Variants in FAP observed in about 807,000 individuals in gnomAD.
FAP encodes prolyl endopeptidase FAP.
FAP carries 110 observed loss-of-function variants against 126.5 expected under a neutral mutation model. The observed-to-expected ratio is 0.87, with a 90% CI of 0.74 to 1.02. The LOEUF (loss-of-function observed/expected upper bound fraction) is 1.02, where lower values mean the gene tolerates loss of function less well. Among genes scored for constraint, FAP ranks in the 50% least tolerant of loss-of-function variants. FAP has a pLI of 0.00. For missense variants in FAP, 919 were observed against 909.2 expected (o/e 1.01, Z -0.14); for synonymous variants, 334 against 297.3 (o/e 1.12, Z -1.27).
chr2:162,189,956 A>C (rs1391919126), intron 17 of FAP, among the ~76,000 whole-genome samples: 1 of 152,012 alleles, frequency 6.6e-6, no homozygotes, highest in African/African-American at 2.4e-5. Flanking sequence ...CATTTTAATC[A>C]CTGTGTCTTT....
Position 162,170,832 on chromosome 2 carries a change from T to C in FAP, c.*147A>G, listed in dbSNP as rs145982071. The C allele has an allele frequency of 6.7e-6, 4 of 595,132 alleles. No homozygotes were observed. The highest frequency in any genetic ancestry group is 3.4e-4 in the Middle Eastern group (1 of 2,984). The allele number at this position is 595,132 out of a possible 1,614,324, so 36.9% of individuals were successfully genotyped here. ...ATATTTAGCTTGAACTTCTGAGTCC[T>C]CATCTTTTTTTTAACAGCCTTTAGA... On this transcript the variant is annotated 3_prime_UTR_variant, in exon 26 of 26. Coordinates refer to ENST00000188790, the MANE Select transcript of FAP (RefSeq NM_004460.5).
intron 8 of FAP, among the ~76,000 whole-genome samples, chr2:162,218,861 G>A (rs1016399803): frequency 2.0e-5 from 3 of 151,950 alleles, no homozygotes. Flanking sequence ...TGATGTTATT[G>A]AGAATCAATT....
rs1252321789 is a variant in FAP at position 162,170,807 on chromosome 2, A to G, written c.*172T>C. On this transcript the variant is annotated 3_prime_UTR_variant, in exon 26 of 26. Transcript: ENST00000188790. ...CACAGAGTACCAGAAAATGTAAACA[A>G]TATTTAGCTTGAACTTCTGAGTCCT... 1 of 563,514 alleles carries G rather than the reference A, an allele frequency of 1.8e-6. No homozygotes were observed. The highest frequency in any genetic ancestry group is 3.1e-6 in the Non-Finnish European group (1 of 317,496). 34.9% of individuals were successfully genotyped at this position (563,514 alleles called of 1,614,324 possible).
intron 2 of FAP, among the ~76,000 whole-genome samples, chr2:162,238,637 G>A (rs1690230487): frequency 6.6e-6 from 1 of 152,096 alleles, no homozygotes; most frequent in East Asian, 1.9e-4. Flanking sequence ...CATAAGAATA[G>A]TGAAAAAATA....
At chr2:162,238,632 G>A (rs1459478050) in intron 2 of FAP, among the ~76,000 whole-genome samples, 1 of 152,016 alleles carries the variant, frequency 6.6e-6, no homozygotes, top group African/African-American at 2.4e-5. Flanking sequence ...TTCTCCATAA[G>A]AATAGTGAAA....
At chr2:162,238,228 A>G (rs1457418891) in intron 2 of FAP, among the ~76,000 whole-genome samples, 2 of 152,026 alleles carry the variant, frequency 1.3e-5, no homozygotes, top group South Asian at 2.1e-4. Context: ...AATTATTGCT[A>G]TATTTTATGG....
At chr2:162,237,082 C>A (rs2106303877) in intron 2 of FAP, among the ~76,000 whole-genome samples, 1 of 152,058 alleles carries the variant, frequency 6.6e-6, no homozygotes, top group South Asian at 2.1e-4. Context: ...GTTCTTACTG[C>A]ATATTAGTCA....
At chr2:162,230,309 T>C (rs1342668660) in intron 2 of FAP, among the ~76,000 whole-genome samples, 1 of 152,202 alleles carries the variant, frequency 6.6e-6, no homozygotes, top group East Asian at 1.9e-4. Flanking sequence ...ATCCAAGCTT[T>C]GATTCTTTGT....
At position 162,242,952 on chromosome 2, in the gene FAP, A is replaced by T; in HGVS notation, c.47T>A (p.Val16Glu). The change falls in exon 2 of 26, where the codon GTG becomes GAG. Residue 16 changes from valine (V) to glutamate (E), a missense_variant. Coordinates refer to ENST00000188790, the MANE Select transcript of FAP (RefSeq NM_004460.5). ...KIVFGVATSAVLALLVMCIVL... is the reference protein window; with the variant it reads ...KIVFGVATSAELALLVMCIVL... ...AATGCACATCACCAATAAGGCAAGC[A>T]CAGCAGAGGTGGCAACTCCAAATAC... 1.9e-6 allele frequency: 3 copies of T among 1,613,274 alleles called. No homozygotes were observed. The highest frequency in any genetic ancestry group is 2.5e-6 in the Non-Finnish European group (3 of 1,179,484).
chr2:162,194,648 CAG>C (rs1688176914), intron 17 of FAP, 51 bp downstream of exon 17: 1 of 1,532,326 alleles, frequency 6.5e-7, no homozygotes, highest in Non-Finnish European at 9.0e-7. Context: ...CGGAGCATCA[CAG>C]AGAGTTCAGG....
At chr2:162,218,275 T>C (rs1438695470) in intron 8 of FAP, 135 bp from the exon 9 acceptor site, 2 of 558,478 alleles carry the variant, frequency 3.6e-6, no homozygotes, top group South Asian at 8.5e-5. Flanking sequence ...ACTTTGGTTA[T>C]TAAAAAATTA....
chr2:162,238,421 G>A (rs889840171), intron 2 of FAP, among the ~76,000 whole-genome samples: 1 of 152,150 alleles, frequency 6.6e-6, no homozygotes, highest in African/African-American at 2.4e-5. Context: ...ATCATACAAA[G>A]ATTTGGTTTT....
intron 8 of FAP, among the ~76,000 whole-genome samples, chr2:162,218,543 A>C (rs941777510): frequency 1.3e-5 from 2 of 150,862 alleles, no homozygotes; most frequent in Non-Finnish European, 3.0e-5. Context: ...GTTAAAAAAA[A>C]CCAAAAACAC....
chr2:162,183,286 C>A, intron 21 of FAP, 128 bp downstream of exon 21: 1 of 778,846 alleles, frequency 1.3e-6, no homozygotes. Context: ...TCCAAACTGA[C>A]TGTTTCCATT....
intron 17 of FAP, chr2:162,193,440 A>C (rs1207487253): frequency 6.6e-6 from 1 of 152,224 alleles, no homozygotes; most frequent in African/African-American, 2.4e-5. Context: ...ATAGAGCTTC[A>C]AAATCAGTAC....
intron 17 of FAP, among the ~76,000 whole-genome samples, chr2:162,191,698 C>T (rs2106230673): frequency 6.6e-6 from 1 of 152,078 alleles, no homozygotes; most frequent in East Asian, 1.9e-4. Context: ...GGGGAGAATC[C>T]ATAGAAAGGC....
intron 16 of FAP, chr2:162,198,173 AC>A (rs1688333790): frequency 2.3e-6 from 3 of 1,287,380 alleles, no homozygotes; most frequent in Non-Finnish European, 3.0e-6. Context: ...TTGATGCATT[AC>A]TTACGATGTT....
Position 162,225,452 on chromosome 2 carries a change from T to C in FAP, c.285+31A>G. ...GGTCAATGAAGAGTGGGCAAAGGTT[T>C]CTGAGGGGGAAGATGATGTTGGATA... On this transcript the variant is annotated intron_variant, in intron 4 of 25. Transcript: ENST00000188790. 3 of 1,586,180 alleles carry C rather than the reference T, an allele frequency of 1.9e-6. No individual in the cohort carries two copies. In the South Asian group the frequency reaches 3.4e-5, roughly 18 times the overall value.
At chr2:162,221,777 C>T (rs916111801) in intron 6 of FAP, 2 of 455,918 alleles carry the variant, frequency 4.4e-6, no homozygotes, top group African/African-American at 4.0e-5. Flanking sequence ...AGGCGTTCAT[C>T]TCCTCAGTTT....
Sources: allele counts gnomAD v4.1 joint callset (sites outside exome capture counted in the v4.1 genomes callset), GRCh38; gene constraint gnomAD v4.1.1; transcripts MANE v1.5; gene names NCBI Gene and HGNC (gene_info 2026-07-23, HGNC 2026-07-21).